Variants in SNED1 observed in about 807,000 individuals in gnomAD.
SNED1 encodes sushi, nidogen and EGF-like domain-containing protein 1.
SNED1 carries 81 observed loss-of-function variants against 166.7 expected under a neutral mutation model. The observed-to-expected ratio is 0.49, with a 90% CI of 0.41 to 0.58. SNED1 has a LOEUF of 0.58. SNED1 is among the 20% of genes least tolerant of loss of function. SNED1 has a pLI of 0.00. For synonymous variants in SNED1, 762 were observed against 822.0 expected (o/e 0.93, Z 1.25); for missense variants, 1,604 against 2,000.2 (o/e 0.80, Z 3.78).
intron 16 of SNED1, among the ~76,000 whole-genome samples, chr2:241,056,100 T>C (rs1176705940): frequency 1.3e-5 from 2 of 151,094 alleles, no homozygotes; most frequent in Middle Eastern, 3.2e-3. Context: ...AAAGACCTTA[T>C]GGATCACCCA....
chr2:241,082,692 T>C (rs2063386077), intron 29 of SNED1, among the ~76,000 whole-genome samples: 1 of 152,100 alleles, frequency 6.6e-6, no homozygotes, highest in Non-Finnish European at 1.5e-5. Flanking sequence ...CTTCCTCTCT[T>C]CTCTTCCTCA....
chr2:241,088,900 G>T, intron 31 of SNED1: 1 of 201,942 alleles, frequency 5.0e-6, no homozygotes, highest in Non-Finnish European at 9.9e-6. Flanking sequence ...TGGGGCAGGG[G>T]CCTTGATCGC....
At position 241,094,208 on chromosome 2, in the gene SNED1, C is replaced by G. The variant is rs986950161; in HGVS notation, c.*2572C>G. ...GGCTGCCAGGTACAAGTAAGGGAATCTTTGCTGTGCCCACTGTCCTCCAGT... is the reference window on the plus strand; with the variant it reads ...GGCTGCCAGGTACAAGTAAGGGAATGTTTGCTGTGCCCACTGTCCTCCAGT... On this transcript the variant is annotated 3_prime_UTR_variant, in exon 32 of 32. Transcript: ENST00000310397. The surrounding 1 kb of genome is among the most constrained non-coding windows in gnomAD (Gnocchi z 4.3). 1.4e-5 allele frequency: 6 copies of G among 419,812 alleles called. No homozygotes were observed. The East Asian group carries it at 4.4e-4, about 31-fold the overall frequency. The allele number at this position is 419,812 out of a possible 1,614,324, so 26.0% of individuals were successfully genotyped here.
Position 241,067,947 on chromosome 2 carries a change from G to C in SNED1, c.3194G>C (p.Arg1065Thr). 1.9e-6 allele frequency: 3 copies of C among 1,604,932 alleles called. No individual in the cohort carries two copies. The highest frequency in any genetic ancestry group is 2.6e-6 in the Non-Finnish European group (3 of 1,173,030). Reference protein sequence around the residue: ...VDRSVDRFTFRALLPGKRYTI... With the variant: ...VDRSVDRFTFTALLPGKRYTI... ...AGGAGTGTGGACAGGTTCACCTTTAGGTAAGAAGGGACACCCAGAGCATGG... is the reference window on the plus strand; with the variant it reads ...AGGAGTGTGGACAGGTTCACCTTTACGTAAGAAGGGACACCCAGAGCATGG... Residue 1065 changes from arginine to threonine, a missense_variant and splice_region_variant, in exon 22 of 32, where the codon AGG becomes ACG. Physicochemically the swap from Arg to Thr is moderately conservative, Grantham distance 71. Around this residue, in one of 2 missense-constraint regions of SNED1, gnomAD observed 1,237 missense variants for 1,620.8 expected, o/e 0.76. Transcript: ENST00000310397.
rs1023404259 is a variant in SNED1 at position 240,999,314 on chromosome 2, C to T, written c.213+264C>T. ...CGCGGCGCCCCGGCCCCTGCCAGAC[C>T]TGCCGAGCGCGTCTTCCCGGCGCCT... On this transcript the variant is annotated intron_variant, in intron 1 of 31. Transcript: ENST00000310397. The surrounding 1 kb of genome is among the most constrained non-coding windows in gnomAD (Gnocchi z 5.8). 3.3e-5 allele frequency among the ~76,000 whole-genome samples: 5 copies of T among 151,614 alleles called. No individual in the cohort carries two copies. The highest frequency in any genetic ancestry group is 5.9e-5 in the Non-Finnish European group (4 of 67,834).
At chr2:241,036,061 A>AGGTGCGTCACG (rs1553563805) in intron 4 of SNED1, among the ~76,000 whole-genome samples, 2 of 7,196 alleles carry the variant, frequency 2.8e-4, no homozygotes, top group Non-Finnish European at 4.4e-4. Flanking sequence ...GGTGCGTCAC[A>AGGTGCGTCACG]GGGTGGGGGG....
rs1276873770 is a variant in SNED1 at position 241,070,342 on chromosome 2, CTG to C, written c.3589+145_3589+146del. ...AGGACCGTGTTAGCAGGGGAGGAGT[CTG>C]TGTATGAAAGTGGAGGCTTTTCAAA... is the stretch of plus-strand genomic sequence containing the variant. On this transcript the variant is annotated intron_variant, in intron 24 of 31. Coordinates refer to ENST00000310397, the MANE Select transcript of SNED1 (RefSeq NM_001080437.3). The C allele has an allele frequency of 1.5e-5, 14 of 936,112 alleles. No individual in the cohort carries two copies. In the African/African-American group the frequency reaches 2.2e-4, roughly 15 times the overall value. The allele number at this position is 936,112 out of a possible 1,614,324, so 58.0% of individuals were successfully genotyped here.
At chr2:241,059,153 G>A (rs1251463922) in intron 16 of SNED1, among the ~76,000 whole-genome samples, 2 of 152,112 alleles carry the variant, frequency 1.3e-5, no homozygotes. Flanking sequence ...GACAACTTAG[G>A]GGAAATGGAT....
chr2:241,060,112 A>G (rs1170988459), intron 16 of SNED1, among the ~76,000 whole-genome samples: 1 of 152,246 alleles, frequency 6.6e-6, no homozygotes, highest in Non-Finnish European at 1.5e-5. Flanking sequence ...TTACATTAAT[A>G]GCATCAAAAA....
rs1457519316 is a variant in SNED1, at chr2:241,051,901, G to A, written c.1852+41G>A. On this transcript the variant is annotated intron_variant, in intron 13 of 31. Coordinates refer to ENST00000310397, the MANE Select transcript of SNED1 (RefSeq NM_001080437.3). The surrounding 1 kb of genome is among the most constrained non-coding windows in gnomAD (Gnocchi z 4.7). ...GCAGGGGGGAGGGCAGGAACGACGG[G>A]CCAGCCCTGAGCTGGGGCCCCTGAT... 2.7e-6 allele frequency: 4 copies of A among 1,504,736 alleles called. No homozygotes were observed. The highest frequency in any genetic ancestry group is 1.3e-5 in the South Asian group (1 of 79,062). The allele number at this position is 1,504,736 out of a possible 1,614,324, so 93.2% of individuals were successfully genotyped here. A position where few individuals can be genotyped will look rare whatever the true frequency, so the allele number is the denominator to read the frequency against.
Position 241,082,303 on chromosome 2 carries a change from A to G in SNED1, c.4060A>G (p.Thr1354Ala). 1 of 1,613,522 alleles carries G rather than the reference A, an allele frequency of 6.2e-7. No individual in the cohort carries two copies. The highest frequency in any genetic ancestry group is 8.5e-7 in the Non-Finnish European group (1 of 1,179,498). Residue 1354 changes from threonine (T) to alanine (A), a missense_variant, in exon 29 of 32, where the codon ACA becomes GCA. Coordinates refer to ENST00000310397, the MANE Select transcript of SNED1 (RefSeq NM_001080437.3). Reference protein sequence around the residue: ...LACIKVSRPCTRLFSETKAFP... With the variant: ...LACIKVSRPCARLFSETKAFP... ...CTGTATAAAGGTGTCCCGCCCCTGC[A>G]CAAGGCTGTTCTCCGAGACAAAGGC... is the stretch of plus-strand genomic sequence containing the variant.
At chr2:241,016,701 G>A (rs760823986) in intron 1 of SNED1, among the ~76,000 whole-genome samples, 2 of 152,072 alleles carry the variant, frequency 1.3e-5, no homozygotes, top group African/African-American at 4.8e-5. Flanking sequence ...ATTATTTCTT[G>A]AATGTTTGGT....
At chr2:241,089,076 C>T (rs545293103) in intron 31 of SNED1, 48 of 447,168 alleles carry the variant, frequency 1.1e-4, no homozygotes, top group African/African-American at 9.6e-4. Flanking sequence ...CCCCACCTCC[C>T]CACACAAACT....
chr2:241,080,284 AAAAT>A (rs745683324), intron 27 of SNED1, among the ~76,000 whole-genome samples: 42 of 152,094 alleles, frequency 2.8e-4, no homozygotes, highest in Admixed American at 2.7e-3. Context: ...ACTCCATCTC[AAAAT>A]AAATAAATAA....
At chr2:241,078,690 A>C (rs1206704699) in intron 27 of SNED1, among the ~76,000 whole-genome samples, 1 of 151,874 alleles carries the variant, frequency 6.6e-6, no homozygotes, top group Admixed American at 6.5e-5. Context: ...TTTCTTTCTG[A>C]GGTCACGAAA....
At chr2:241,043,746 T>A (rs560763498) in intron 8 of SNED1, among the ~76,000 whole-genome samples, 1 of 152,248 alleles carries the variant, frequency 6.6e-6, no homozygotes, top group Non-Finnish European at 1.5e-5. Context: ...TAAATACTTT[T>A]GGCTTTGTGA....
At chr2:241,071,065 CAGAGTG>C (rs1575056411) in intron 24 of SNED1, among the ~76,000 whole-genome samples, 1 of 152,146 alleles carries the variant, frequency 6.6e-6, no homozygotes, top group East Asian at 1.9e-4. Context: ...GAGCCGGCGT[CAGAGTG>C]AGAGGGAGAG....
chr2:241,049,833 C>T lies in SNED1; in HGVS notation c.1635C>T (p.Cys545=), dbSNP rs750589443. Residue 545 remains cysteine, a synonymous_variant, in exon 12 of 32, where the codon TGC becomes TGT. Coordinates refer to ENST00000310397, the MANE Select transcript of SNED1 (RefSeq NM_001080437.3). ...CGCCCCCAGCCCTGCCATCACCCTG[C>T]GACTCGGACCCCTGCTTCAACGGAG... is the stretch of plus-strand genomic sequence containing the variant. ...HNASHSLPSP[C]DSDPCFNGGS... 23 of 1,613,560 alleles carry T rather than the reference C, an allele frequency of 1.4e-5. No individual in the cohort carries two copies. In the South Asian group the frequency reaches 2.3e-4, roughly 16 times the overall value.
At position 241,018,113 on chromosome 2, in the gene SNED1, GCT is replaced by G. The variant is rs2060654831; in HGVS notation, c.214-12168_214-12167del. On this transcript the variant is annotated intron_variant, in intron 1 of 31. Transcript: ENST00000310397. This position sits in a 1 kb window ranked among gnomAD's most constrained non-coding sequence, Gnocchi z 5.4. Reference sequence around the variant, plus strand: ...TCCCAGGTAACACGCAACCCGAGTAGCTCTGTCTGAGAACCGCCATTCGCCTT... The same window carrying G: ...TCCCAGGTAACACGCAACCCGAGTAGCTGTCTGAGAACCGCCATTCGCCTT... Among the ~76,000 whole-genome samples the G allele has an allele frequency of 6.6e-6, 1 of 152,206 alleles. No homozygotes were observed. The highest frequency in any genetic ancestry group is 6.5e-5 in the Admixed American group (1 of 15,280).
Sources: gnomAD v4.1 joint callset for allele counts (sites outside exome capture counted in the v4.1 genomes callset) on GRCh38, gnomAD v4.1.1 for gene constraint, gnomAD v4.1.1 regional missense constraint, Gnocchi (gnomAD v3.1) non-coding constraint, MANE v1.5 for transcripts, NCBI Gene and HGNC (gene_info 2026-07-23, HGNC 2026-07-21) for gene names.